The following KCNT1 variants were observed in gnomAD, a reference collection of about 807,000 sequenced individuals.
KCNT1 encodes the protein potassium channel subfamily T member 1.
KCNT1 carries 78 observed loss-of-function variants against 147.8 expected under a neutral mutation model. That is an observed-to-expected ratio of 0.53 (90% confidence interval 0.44 to 0.64). The LOEUF (loss-of-function observed/expected upper bound fraction) is 0.64. Ranked by LOEUF, KCNT1 falls within the 30% of genes least tolerant of loss-of-function variation. The pLI is 0.00. For missense variants in KCNT1, 1,419 were observed against 1,750.3 expected (o/e 0.81, Z 3.38); for synonymous variants, 867 against 748.8 (o/e 1.16, Z -2.58).
At chr9:135,734,648 C>G (rs946424796) in intron 2 of KCNT1, among the ~76,000 whole-genome samples, 3 of 152,212 alleles carry the variant, frequency 2.0e-5, no homozygotes, top group African/African-American at 7.2e-5. Flanking sequence ...ACCCACTGCA[C>G]TCTCGAAAAG....
chr9:135,712,633 G>C (rs2131325170), intron 1 of KCNT1, among the ~76,000 whole-genome samples: 1 of 152,264 alleles, frequency 6.6e-6, no homozygotes, highest in South Asian at 2.1e-4. Context: ...AGGACACGGG[G>C]AGCAGCTGTT....
At position 135,735,365 on chromosome 9, in the gene KCNT1, C is replaced by T. The variant is rs547032002; in HGVS notation, c.255-14733C>T. ...CAGGGCCCTGTGCCTCAGCCTCCCT[C>T]GAGTGGTCCAGCCCTCCCTCAGCAT... On this transcript the variant is annotated intron_variant, in intron 2 of 30. Transcript: ENST00000371757. Among the ~76,000 whole-genome samples the T allele has an allele frequency of 1.6e-3, 245 of 152,308 alleles. 1 individual carries two copies. Among genetic ancestry groups the T allele is most frequent in the African/African-American group, 5.7e-3 (237 of 41,568 alleles).
Position 135,758,426 on chromosome 9 carries a change from C to A in KCNT1, c.772C>A (p.Arg258Ser). 1 of 1,612,828 alleles carries A rather than the reference C, an allele frequency of 6.2e-7. No individual in the cohort carries two copies. Among genetic ancestry groups the A allele is most frequent in the South Asian group, 1.1e-5 (1 of 91,070 alleles). The change falls in exon 10 of 31, where the codon CGT (arginine) becomes AGT (serine). Residue 258 changes from arginine to serine, a missense_variant. Arg to Ser is a moderately radical substitution (Grantham distance 110). Around this residue, in one of 5 missense-constraint regions of KCNT1, gnomAD observed 401 missense variants for 610.6 expected, o/e 0.66. Transcript: ENST00000371757. The stretch of plus-strand genomic sequence containing the variant: ...ACTCCTTCCACAGAATGACTTCCAC[C>A]GTGCCATCCTGCGGACACAGTCAGC... ...ALENMINDFH[R>S]AILRTQSAMF...
chr9:135,784,012 CCTT>C lies in KCNT1; in HGVS notation c.2842-11_2842-9del. 2 of 1,605,446 alleles carry C rather than the reference CCTT, an allele frequency of 1.2e-6. No individual in the cohort carries two copies. The highest frequency in any genetic ancestry group is 1.7e-6 in the Non-Finnish European group (2 of 1,179,032). On this transcript the variant is annotated splice_polypyrimidine_tract_variant and intron_variant, in intron 24 of 30. Coordinates refer to ENST00000371757, the MANE Select transcript of KCNT1 (RefSeq NM_020822.3). ...CGGCACCAGCCCATCTGAGGCCCCTCCTTTCCCACAGAGGGAGCGAGAGAATGG... is the reference window on the plus strand; with the variant it reads ...CGGCACCAGCCCATCTGAGGCCCCTCTCCCACAGAGGGAGCGAGAGAATGG...
Position 135,702,335 on chromosome 9 carries a change from C to A in KCNT1, c.77C>A (p.Thr26Asn). Residue 26 changes from threonine (T) to asparagine (N), a missense_variant, in exon 1 of 31, where the codon ACC becomes AAC. Physicochemically the swap from Thr to Asn is moderately conservative, Grantham distance 65. Transcript: ENST00000371757. ...CGCGGCGGGGGCTACACCAACCGGA[C>A]CTTCGAGTTTGACGACGGCCAATGC... Reference protein sequence around the residue: ...EARGGGYTNRTFEFDDGQCAP... With the variant: ...EARGGGYTNRNFEFDDGQCAP... The A allele has an allele frequency of 1.2e-6, 2 of 1,611,642 alleles. No individual in the cohort carries two copies. The highest frequency in any genetic ancestry group is 2.2e-5 in the South Asian group (2 of 91,058).
Position 135,718,747 on chromosome 9 carries a change from G to A in KCNT1, c.254+4027G>A, listed in dbSNP as rs544089444. Among the ~76,000 whole-genome samples the A allele has an allele frequency of 7.2e-5, 11 of 152,362 alleles. No individual in the cohort carries two copies. In the East Asian group the frequency reaches 2.1e-3, roughly 29 times the overall value. On this transcript the variant is annotated intron_variant, in intron 2 of 30. Transcript: ENST00000371757. Reference sequence around the variant, plus strand: ...TGCTGCTGCCAACCCCTGGCAGGCTGTGAGCGAGCAGGTGGGCGGGCAGGA... The same window carrying A: ...TGCTGCTGCCAACCCCTGGCAGGCTATGAGCGAGCAGGTGGGCGGGCAGGA...
intron 1 of KCNT1, among the ~76,000 whole-genome samples, chr9:135,704,654 C>G (rs1465126736): frequency 1.3e-5 from 2 of 152,232 alleles, no homozygotes; most frequent in African/African-American, 4.8e-5. Flanking sequence ...CCAGGCCTTT[C>G]CTGGAAATAC....
At chr9:135,741,839 A>G (rs547759255) in intron 2 of KCNT1, among the ~76,000 whole-genome samples, 37 of 152,360 alleles carry the variant, frequency 2.4e-4, no homozygotes, top group Non-Finnish European at 4.0e-4. Context: ...GGATTAAAAG[A>G]GAGAGGTCCC....
intron 16 of KCNT1, 38 bp from the exon 17 acceptor site, chr9:135,770,260 C>T (rs74843718): frequency 0.018 from 28,762 of 1,555,318 alleles, 347 homozygotes; most frequent in Middle Eastern, 0.025. Flanking sequence ...CAGCCATGGC[C>T]GAGGGTGACG....
chr9:135,754,987 C>A, intron 5 of KCNT1, 134 bp from the exon 6 acceptor site: 1 of 695,236 alleles, frequency 1.4e-6, no homozygotes, highest in Non-Finnish European at 2.2e-6. Context: ...AAGGTAGGCT[C>A]CTTTGGTCCA....
intron 2 of KCNT1, among the ~76,000 whole-genome samples, chr9:135,737,922 C>T (rs913888686): frequency 1.8e-4 from 27 of 152,220 alleles, no homozygotes; most frequent in African/African-American, 6.0e-4. Flanking sequence ...GGGCAGCCTC[C>T]GCCAGGGAGG....
chr9:135,765,307 C>G lies in KCNT1; in HGVS notation c.1200+112C>G, dbSNP rs564238090. On this transcript the variant is annotated intron_variant, in intron 12 of 30. Coordinates refer to ENST00000371757, the MANE Select transcript of KCNT1 (RefSeq NM_020822.3). ...CTGAGTCCTCTCAGCCTTGGTTTACCCCTTCAGTGAGGGCAGATGCCTCCC... is the reference window on the plus strand; with the variant it reads ...CTGAGTCCTCTCAGCCTTGGTTTACGCCTTCAGTGAGGGCAGATGCCTCCC... 10 of 1,067,090 alleles carry G rather than the reference C, an allele frequency of 9.4e-6. No homozygotes were observed. In the African/African-American group the frequency reaches 1.3e-4, roughly 13 times the overall value. The allele number at this position is 1,067,090 out of a possible 1,614,324, so 66.1% of individuals were successfully genotyped here.
chr9:135,743,319 G>A (rs1049909199), intron 2 of KCNT1, among the ~76,000 whole-genome samples: 4 of 152,184 alleles, frequency 2.6e-5, no homozygotes, highest in Admixed American at 2.6e-4. Flanking sequence ...GGCCAGGGCA[G>A]CCAGGCCCTG....
chr9:135,761,409 G>A (rs893661668), intron 11 of KCNT1, among the ~76,000 whole-genome samples: 1 of 152,208 alleles, frequency 6.6e-6, no homozygotes, highest in Non-Finnish European at 1.5e-5. Flanking sequence ...AGGCAAGGGC[G>A]GGAGTGAGGG....
intron 2 of KCNT1, among the ~76,000 whole-genome samples, chr9:135,747,520 G>A (rs1350180812): frequency 6.6e-6 from 1 of 152,144 alleles, no homozygotes; most frequent in Non-Finnish European, 1.5e-5. Context: ...AGCGCAGCCT[G>A]GACCTCCAGC....
At chr9:135,736,458 G>A (rs946285548) in intron 2 of KCNT1, 1 of 152,210 alleles carries the variant, frequency 6.6e-6, no homozygotes, top group African/African-American at 2.4e-5. Context: ...GGGCGTCCTG[G>A]CGGTGGTTTG....
chr9:135,792,076 C>T lies in KCNT1; in HGVS notation c.3623C>T (p.Ala1208Val). 2 of 1,604,158 alleles carry T rather than the reference C, an allele frequency of 1.2e-6. No individual in the cohort carries two copies. The highest frequency in any genetic ancestry group is 1.1e-5 in the South Asian group (1 of 90,960). ...CGCTCCGACCCCCTGGCTCACGTGG[C>T]CAGCAGCTCCCAGAGCCGGAAGAGC... Reference protein sequence around the residue: ...LIRSDPLAHVASSSQSRKSSC... With the variant: ...LIRSDPLAHVVSSSQSRKSSC... Residue 1208 changes from alanine to valine, a missense_variant, in exon 31 of 31, where the codon GCC becomes GTC. Ala to Val is a moderately conservative substitution (Grantham distance 64, BLOSUM62 0). This residue lies in a region of KCNT1 where 306 missense variants were observed against 294.2 expected (regional missense o/e 1.04). Transcript: ENST00000371757.
At position 135,784,879 on chromosome 9, in the gene KCNT1, C is replaced by T; in HGVS notation, c.3146C>T (p.Ser1049Phe). Reference protein sequence around the residue: ...GIYRTESHVFSTSEPHDLRAQ... With the variant: ...GIYRTESHVFFTSEPHDLRAQ... ...TACCGGACAGAGAGCCACGTCTTCT[C>T]CACCTCGGAGGTTCTGGGGCAGCCT... Residue 1049 changes from serine (S) to phenylalanine (F), a missense_variant, in exon 27 of 31, where the codon TCC (serine) becomes TTC (phenylalanine). Physicochemically the swap from Ser to Phe is radical, Grantham distance 155. Coordinates refer to ENST00000371757, the MANE Select transcript of KCNT1 (RefSeq NM_020822.3). 6.2e-7 allele frequency: 1 copy of T among 1,612,484 alleles called. No individual in the cohort carries two copies. Among genetic ancestry groups the T allele is most frequent in the East Asian group, 2.2e-5 (1 of 44,874 alleles).
chr9:135,773,777 A>C (rs4842035), intron 19 of KCNT1, among the ~76,000 whole-genome samples: 1 of 152,246 alleles, frequency 6.6e-6, no homozygotes, highest in African/African-American at 2.4e-5. Context: ...GAACCATTGC[A>C]TGTGTGTGTT....
Sources: gnomAD v4.1 joint callset for allele counts (sites outside exome capture counted in the v4.1 genomes callset) on GRCh38, gnomAD v4.1.1 for gene constraint, gnomAD v4.1.1 regional missense constraint, MANE v1.5 for transcripts, NCBI Gene and HGNC (gene_info 2026-07-23, HGNC 2026-07-21) for gene names.